The following CACNA2D2 variants were observed in gnomAD, a reference collection of about 807,000 sequenced individuals.
CACNA2D2 encodes voltage-dependent calcium channel subunit alpha-2/delta-2.
CACNA2D2 carries 48 observed loss-of-function variants against 166.4 expected under a neutral mutation model. That is an observed-to-expected ratio of 0.29 (90% confidence interval 0.23 to 0.37). CACNA2D2 has a LOEUF of 0.37. Ranked by LOEUF, CACNA2D2 falls within the 10% of genes least tolerant of loss-of-function variation. The pLI is 1.00. For missense variants in CACNA2D2, 1,122 were observed against 1,433.0 expected (o/e 0.78, Z 3.50); for synonymous variants, 561 against 573.7 (o/e 0.98, Z 0.32).
At chr3:50,475,636 C>T (rs1056244950) in intron 2 of CACNA2D2, among the ~76,000 whole-genome samples, 3 of 152,192 alleles carry the variant, frequency 2.0e-5, no homozygotes, top group Non-Finnish European at 4.4e-5. Context: ...TAATCAATCA[C>T]CCCTCCCACA....
chr3:50,472,968 A>C (rs1710160470), intron 2 of CACNA2D2, among the ~76,000 whole-genome samples: 1 of 152,156 alleles, frequency 6.6e-6, no homozygotes. Context: ...ACATCACAGT[A>C]GGGTCTATAC....
intron 2 of CACNA2D2, among the ~76,000 whole-genome samples, chr3:50,468,135 C>T (rs1394429191): frequency 1.3e-5 from 2 of 152,228 alleles, no homozygotes; most frequent in Non-Finnish European, 2.9e-5. Context: ...CGAGCATAAA[C>T]CCATTCAGCC....
chr3:50,468,431 G>GTGTGTGTA (rs748123435), intron 2 of CACNA2D2, among the ~76,000 whole-genome samples: 62 of 147,718 alleles, frequency 4.2e-4, no homozygotes, highest in Non-Finnish European at 8.0e-4. Context: ...GTGTGTGTGT[G>GTGTGTGTA]TGTGTGTGTG....
At chr3:50,374,347 A>G in intron 22 of CACNA2D2, among the ~76,000 whole-genome samples, 2 of 57,250 alleles carry the variant, frequency 3.5e-5, no homozygotes, top group Admixed American at 2.0e-4. Context: ...GGGGAGGAGG[A>G]GGGGGAAGGG....
rs2106891509 is a variant in CACNA2D2 at position 50,434,306 on chromosome 3, C to T, written c.405+7G>A. 3 of 1,605,080 alleles carry T rather than the reference C, an allele frequency of 1.9e-6. No homozygotes were observed. Among genetic ancestry groups the T allele is most frequent in the Non-Finnish European group, 2.6e-6 (3 of 1,171,838 alleles). On this transcript the variant is annotated splice_region_variant and intron_variant, in intron 3 of 37. Transcript: ENST00000424201. The stretch of plus-strand genomic sequence containing the variant: ...GCCGCCCCCCTGCCCCCAAAACACA[C>T]ACCTACCTTCAGGGCCTGCACCTTC...
intron 5 of CACNA2D2, among the ~76,000 whole-genome samples, chr3:50,385,039 G>A (rs2106691358): frequency 6.6e-6 from 1 of 152,360 alleles, no homozygotes; most frequent in South Asian, 2.1e-4. Context: ...CCTGACAGGT[G>A]CCAATTATGG....
intron 3 of CACNA2D2, among the ~76,000 whole-genome samples, chr3:50,403,087 G>A (rs991333781): frequency 3.9e-5 from 6 of 152,152 alleles, no homozygotes; most frequent in Non-Finnish European, 8.8e-5. Flanking sequence ...CTAGGGCTTG[G>A]CAATTGACCC....
At chr3:50,474,449 C>T (rs527700368) in intron 2 of CACNA2D2, among the ~76,000 whole-genome samples, 4 of 152,274 alleles carry the variant, frequency 2.6e-5, no homozygotes, top group East Asian at 1.9e-4. Context: ...CATGATGGTA[C>T]GCTGAGCTGG....
At chr3:50,500,526 G>A (rs962424254) in intron 1 of CACNA2D2, among the ~76,000 whole-genome samples, 1 of 152,190 alleles carries the variant, frequency 6.6e-6, no homozygotes, top group African/African-American at 2.4e-5. Flanking sequence ...AAAGACACAA[G>A]GGGAGGCAAA....
In CACNA2D2 at chr3:50,381,023, G is replaced by A. The variant is rs761180930; in HGVS notation, c.756C>T (p.Ser252=). 16 of 1,613,904 alleles carry A rather than the reference G, an allele frequency of 9.9e-6. No individual in the cohort carries two copies. Among genetic ancestry groups the A allele is most frequent in the South Asian group, 7.7e-5 (7 of 91,078 alleles). ...GGTAGTAGCGAGTGACTCCTGTGGCGCTGCCGAAGACCTGCCACAGCAGTG... is the reference window on the plus strand; with the variant it reads ...GGTAGTAGCGAGTGACTCCTGTGGCACTGCCGAAGACCTGCCACAGCAGTG... ...DPTLLWQVFG[S]ATGVTRYYPA... is the part of the protein sequence containing the mutation. Residue 252 remains serine (S), a synonymous_variant, in exon 7 of 38, where the codon AGC becomes AGT. Transcript: ENST00000424201.
rs1164412966 is a variant in CACNA2D2, at chr3:50,394,115, G to A, written c.459C>T (p.Asn153=). 1.2e-6 allele frequency: 2 copies of A among 1,614,054 alleles called. No homozygotes were observed. The highest frequency in any genetic ancestry group is 1.7e-5 in the Admixed American group (1 of 60,032). The change falls in exon 4 of 38, where the codon AAC becomes AAT. Residue 153 remains asparagine, a synonymous_variant. Transcript: ENST00000424201. The part of the protein sequence containing the change: ...NFQKAHRWQD[N]IKEEDIVYYD... Reference sequence around the variant, plus strand: ...AGGGTGCTGGGGTTCCTACCTTGATGTTGTCCTGCCAGCGGTGTGCTTTCT... The same window carrying A: ...AGGGTGCTGGGGTTCCTACCTTGATATTGTCCTGCCAGCGGTGTGCTTTCT...
intron 1 of CACNA2D2, among the ~76,000 whole-genome samples, chr3:50,478,147 G>A (rs980200326): frequency 6.6e-6 from 1 of 152,208 alleles, no homozygotes; most frequent in Admixed American, 6.5e-5. Context: ...CCCCACCACA[G>A]GGGAAAATCT....
intron 1 of CACNA2D2, among the ~76,000 whole-genome samples, chr3:50,491,183 C>T (rs1698505841): frequency 6.6e-6 from 1 of 152,194 alleles, no homozygotes; most frequent in Non-Finnish European, 1.5e-5. Flanking sequence ...CCACAAGCAC[C>T]GGTTACAGGA....
intron 3 of CACNA2D2, among the ~76,000 whole-genome samples, chr3:50,431,060 C>T (rs2282757): frequency 0.095 from 14,375 of 152,074 alleles, 1,979 homozygotes; most frequent in African/African-American, 0.3. Flanking sequence ...TGCTCAGCTC[C>T]CTCTTTGCAA....
At chr3:50,462,543 G>C (rs1483850538) in intron 2 of CACNA2D2, among the ~76,000 whole-genome samples, 2 of 152,026 alleles carry the variant, frequency 1.3e-5, no homozygotes, top group African/African-American at 2.4e-5. Flanking sequence ...TGCATTTGCT[G>C]GGTCAGGGCA....
chr3:50,365,716 G>C lies in CACNA2D2; in HGVS notation c.2916-28C>G. 6.3e-7 allele frequency: 1 copy of C among 1,597,730 alleles called. No individual in the cohort carries two copies. Among genetic ancestry groups the C allele is most frequent in the Non-Finnish European group, 8.5e-7 (1 of 1,172,528 alleles). On this transcript the variant is annotated intron_variant, in intron 33 of 37. Transcript: ENST00000424201. The surrounding 1 kb of genome is among the most constrained non-coding windows in gnomAD (Gnocchi z 4.5). ...GCAGCGCACGGGGAGCCGAGTGCAGGTGGTCAGCAGAGGACGATGCCATGC... is the reference window on the plus strand; with the variant it reads ...GCAGCGCACGGGGAGCCGAGTGCAGCTGGTCAGCAGAGGACGATGCCATGC...
At chr3:50,456,416 G>A (rs1204732571) in intron 2 of CACNA2D2, among the ~76,000 whole-genome samples, 1 of 152,162 alleles carries the variant, frequency 6.6e-6, no homozygotes, top group South Asian at 2.1e-4. Context: ...CTTGCCCACC[G>A]CAGCCAGACC....
At chr3:50,369,138 C>T (rs929386934) in intron 23 of CACNA2D2, among the ~76,000 whole-genome samples, 1 of 152,204 alleles carries the variant, frequency 6.6e-6, no homozygotes, top group East Asian at 1.9e-4. Context: ...ACAGCCTGCA[C>T]CTCTGTGCCT....
At chr3:50,395,454 T>C (rs1303668716) in intron 3 of CACNA2D2, among the ~76,000 whole-genome samples, 1 of 152,142 alleles carries the variant, frequency 6.6e-6, no homozygotes, top group Non-Finnish European at 1.5e-5. Context: ...TGGGTGGCTC[T>C]GGTCTCTCAC....
Sources: gnomAD v4.1 joint callset for allele counts (sites outside exome capture counted in the v4.1 genomes callset) on GRCh38, gnomAD v4.1.1 for gene constraint, Gnocchi (gnomAD v3.1) non-coding constraint, MANE v1.5 for transcripts, NCBI Gene and HGNC (gene_info 2026-07-23, HGNC 2026-07-21) for gene names.